The following SH3GL2 variants were observed in gnomAD, a reference collection of about 807,000 sequenced individuals.
The protein encoded by SH3GL2 is endophilin-A1.
In SH3GL2, 24 loss-of-function variants were observed where a neutral mutation model predicts 46.0. The observed-to-expected ratio is 0.52, with a 90% CI of 0.38 to 0.73. The LOEUF is 0.73. Ranked by LOEUF, SH3GL2 falls within the 30% of genes least tolerant of loss-of-function variation. The pLI is 0.00. For synonymous variants in SH3GL2, 196 were observed against 147.1 expected (o/e 1.33, Z -2.40); for missense variants, 413 against 424.2 (o/e 0.97, Z 0.23).
At chr9:17,603,332 C>T (rs1818703356) in intron 1 of SH3GL2, among the ~76,000 whole-genome samples, 1 of 152,126 alleles carries the variant, frequency 6.6e-6, no homozygotes, top group Non-Finnish European at 1.5e-5. Context: ...CTGCCACATG[C>T]TACACCATGG....
chr9:17,631,570 A>C (rs1001386796), intron 1 of SH3GL2, among the ~76,000 whole-genome samples: 1 of 152,182 alleles, frequency 6.6e-6, no homozygotes, highest in Non-Finnish European at 1.5e-5. Context: ...AGCCCATCAT[A>C]CTGGATGTTC....
At chr9:17,601,335 G>C (rs527300829) in intron 1 of SH3GL2, among the ~76,000 whole-genome samples, 2 of 152,134 alleles carry the variant, frequency 1.3e-5, no homozygotes, top group South Asian at 4.2e-4. Flanking sequence ...ATGTTGAGAG[G>C]GTATTTTTAG....
chr9:17,635,142 T>C (rs1819513632), intron 1 of SH3GL2, among the ~76,000 whole-genome samples: 1 of 152,168 alleles, frequency 6.6e-6, no homozygotes, highest in Non-Finnish European at 1.5e-5. Flanking sequence ...TGCCCACACC[T>C]ACCACCCTCC....
At chr9:17,647,341 T>C (rs1254212965) in intron 1 of SH3GL2, among the ~76,000 whole-genome samples, 1 of 152,106 alleles carries the variant, frequency 6.6e-6, no homozygotes, top group Admixed American at 6.5e-5. Flanking sequence ...TGTCAGATGC[T>C]ATGCTAAATG....
At chr9:17,696,416 A>G (rs942823728) in intron 1 of SH3GL2, among the ~76,000 whole-genome samples, 1 of 152,206 alleles carries the variant, frequency 6.6e-6, no homozygotes, top group African/African-American at 2.4e-5. Flanking sequence ...ATGGTATATT[A>G]GTCCATTCTC....
intron 1 of SH3GL2, among the ~76,000 whole-genome samples, chr9:17,656,081 C>T (rs1296148777): frequency 6.6e-6 from 1 of 152,114 alleles, no homozygotes; most frequent in Non-Finnish European, 1.5e-5. Flanking sequence ...CTTAGACTGG[C>T]TTAGATTGGC....
intron 3 of SH3GL2, among the ~76,000 whole-genome samples, chr9:17,764,136 A>G (rs571729178): frequency 2.2e-4 from 33 of 152,358 alleles, no homozygotes; most frequent in Non-Finnish European, 3.5e-4. Context: ...AATGAAGGCC[A>G]TTACAGGCAA....
intron 1 of SH3GL2, among the ~76,000 whole-genome samples, chr9:17,743,116 G>C (rs1487070848): frequency 6.6e-6 from 1 of 152,148 alleles, no homozygotes; most frequent in Admixed American, 6.5e-5. Context: ...CAACAAGCCT[G>C]TGTTCCTCAC....
chr9:17,661,092 G>A (rs760596619), intron 1 of SH3GL2, among the ~76,000 whole-genome samples: 1 of 152,134 alleles, frequency 6.6e-6, no homozygotes, highest in African/African-American at 2.4e-5. Flanking sequence ...AACCTGGGAG[G>A]CAGAGGTTGC....
chr9:17,622,220 T>C (rs749107519), intron 1 of SH3GL2, among the ~76,000 whole-genome samples: 3 of 152,180 alleles, frequency 2.0e-5, no homozygotes, highest in African/African-American at 4.8e-5. Context: ...GCCAGGGTGG[T>C]ACATTAAAAA....
chr9:17,681,560 G>T lies in SH3GL2; in HGVS notation c.46-65506G>T, dbSNP rs141854676. Reference sequence around the variant, plus strand: ...CTTATACAAAAGTTAACTCAAGATGGGTTAAAGACTTAAATGTAAAACCCC... The same window carrying T: ...CTTATACAAAAGTTAACTCAAGATGTGTTAAAGACTTAAATGTAAAACCCC... On this transcript the variant is annotated intron_variant, in intron 1 of 8. Coordinates refer to ENST00000380607, the MANE Select transcript of SH3GL2 (RefSeq NM_003026.5). Among the ~76,000 whole-genome samples, 192 of 152,090 alleles carry T rather than the reference G, an allele frequency of 1.3e-3. 6 individuals are homozygous for T. In the East Asian group the frequency reaches 0.027, roughly 22 times the overall value.
At chr9:17,699,153 CAAAAAAAAAAA>C (rs3084657) in intron 1 of SH3GL2, among the ~76,000 whole-genome samples, 1 of 86,506 alleles carries the variant, frequency 1.2e-5, no homozygotes, top group African/African-American at 4.4e-5. Flanking sequence ...GACTCTGTCT[CAAAAAAAAAAA>C]AAAAAAAAAA....
At chr9:17,652,067 T>C (rs1434564675) in intron 1 of SH3GL2, among the ~76,000 whole-genome samples, 1 of 152,170 alleles carries the variant, frequency 6.6e-6, no homozygotes, top group Non-Finnish European at 1.5e-5. Context: ...TTCATTGATT[T>C]CTGCTTACAT....
intron 1 of SH3GL2, among the ~76,000 whole-genome samples, chr9:17,709,284 A>G (rs969542689): frequency 1.3e-5 from 2 of 152,026 alleles, no homozygotes; most frequent in Admixed American, 6.6e-5. Context: ...TCGTGGATGG[A>G]ATAGACCACT....
intron 1 of SH3GL2, among the ~76,000 whole-genome samples, chr9:17,706,017 C>T (rs1348122050): frequency 6.6e-6 from 1 of 151,936 alleles, no homozygotes; most frequent in Non-Finnish European, 1.5e-5. Context: ...ATTTTGGAGA[C>T]ATAGGGCTAA....
chr9:17,648,365 T>G (rs1326820413), intron 1 of SH3GL2, among the ~76,000 whole-genome samples: 3 of 152,190 alleles, frequency 2.0e-5, no homozygotes, highest in Non-Finnish European at 2.9e-5. Context: ...CCAGTTTATA[T>G]CTACACAAAG....
chr9:17,647,757 A>C (rs1819855287), intron 1 of SH3GL2, among the ~76,000 whole-genome samples: 1 of 152,208 alleles, frequency 6.6e-6, no homozygotes, highest in Admixed American at 6.5e-5. Flanking sequence ...GCATGTAAGC[A>C]CTCACCAACT....
chr9:17,713,316 A>T (rs1202084271), intron 1 of SH3GL2, among the ~76,000 whole-genome samples: 1 of 151,414 alleles, frequency 6.6e-6, no homozygotes, highest in African/African-American at 2.4e-5. Context: ...TTTCCTAGAG[A>T]TTTATCAATT....
At chr9:17,591,272 T>A (rs1050725885) in intron 1 of SH3GL2, 1 of 152,202 alleles carries the variant, frequency 6.6e-6, no homozygotes, top group Non-Finnish European at 1.5e-5. Context: ...TGAGTTATAC[T>A]GATATTTTGT....
Sources: gnomAD v4.1 joint callset for allele counts (sites outside exome capture counted in the v4.1 genomes callset) on GRCh38, gnomAD v4.1.1 for gene constraint, MANE v1.5 for transcripts, NCBI Gene and HGNC (gene_info 2026-07-23, HGNC 2026-07-21) for gene names.